Variants in MAGI1 observed in about 807,000 individuals in gnomAD.
MAGI1 encodes membrane associated guanylate kinase, WW and PDZ domain containing 1, also known as membrane-associated guanylate kinase, WW and PDZ domain-containing protein 1.
In MAGI1, 58 loss-of-function variants were observed where a neutral mutation model predicts 139.9. The ratio of observed to expected loss-of-function variants is 0.41; its 90% CI spans 0.34 to 0.52. The LOEUF is 0.52. MAGI1 is among the 20% of genes least tolerant of loss of function. The pLI is 0.12. For synonymous variants in MAGI1, 812 were observed against 737.9 expected (o/e 1.10, Z -1.63); for missense variants, 1,874 against 1,901.6 (o/e 0.99, Z 0.27).
At chr3:65,630,020 A>T (rs188655303) in intron 1 of MAGI1, among the ~76,000 whole-genome samples, 3 of 152,360 alleles carry the variant, frequency 2.0e-5, no homozygotes, top group Admixed American at 2.0e-4. Context: ...CAACAAACAA[A>T]GTTAAAATCA....
chr3:65,545,056 C>T (rs2079432326), intron 2 of MAGI1, among the ~76,000 whole-genome samples: 1 of 152,010 alleles, frequency 6.6e-6, no homozygotes, highest in African/African-American at 2.4e-5. Flanking sequence ...TTTCAGTTTA[C>T]CAAAATGGTT....
At chr3:65,909,664 C>A (rs980601533) in intron 1 of MAGI1, among the ~76,000 whole-genome samples, 13 of 152,064 alleles carry the variant, frequency 8.5e-5, no homozygotes, top group African/African-American at 2.9e-4. Flanking sequence ...CCACTGTACT[C>A]CAGACTGAGT....
At chr3:65,671,371 T>C (rs2086848105) in intron 1 of MAGI1, among the ~76,000 whole-genome samples, 1 of 152,144 alleles carries the variant, frequency 6.6e-6, no homozygotes, top group Non-Finnish European at 1.5e-5. Context: ...ACTGACTAGA[T>C]ACCAGGAGCA....
intron 1 of MAGI1, among the ~76,000 whole-genome samples, chr3:65,831,505 C>T (rs541636276): frequency 6.6e-6 from 1 of 152,298 alleles, no homozygotes; most frequent in African/African-American, 2.4e-5. Context: ...AACTTAACCA[C>T]TCTTCCAAAG....
At chr3:65,615,077 A>G (rs574986179) in intron 2 of MAGI1, among the ~76,000 whole-genome samples, 1 of 152,152 alleles carries the variant, frequency 6.6e-6, no homozygotes, top group South Asian at 2.1e-4. Context: ...AGCAAGAAAA[A>G]GGTAAGTAAG....
chr3:65,739,924 G>A (rs1286453678), intron 1 of MAGI1, among the ~76,000 whole-genome samples: 2 of 152,112 alleles, frequency 1.3e-5, no homozygotes, highest in African/African-American at 4.8e-5. Context: ...AAAGACACAA[G>A]GTGACCACAT....
At chr3:65,654,963 T>A (rs2085790968) in intron 1 of MAGI1, among the ~76,000 whole-genome samples, 1 of 152,238 alleles carries the variant, frequency 6.6e-6, no homozygotes, top group African/African-American at 2.4e-5. Flanking sequence ...TGTCAAATCA[T>A]TTAAGTTCAA....
chr3:65,696,610 G>A (rs1172397465), intron 1 of MAGI1, among the ~76,000 whole-genome samples: 4 of 151,980 alleles, frequency 2.6e-5, no homozygotes, highest in African/African-American at 9.7e-5. Context: ...ACATGTCCAT[G>A]AGCTTCATGT....
At chr3:65,533,460 T>C (rs759750681) in intron 2 of MAGI1, among the ~76,000 whole-genome samples, 2 of 152,246 alleles carry the variant, frequency 1.3e-5, no homozygotes, top group Non-Finnish European at 2.9e-5. Context: ...TTTGGATCCA[T>C]TTCTTAAACA....
At chr3:65,991,075 G>A (rs11131044) in intron 1 of MAGI1, among the ~76,000 whole-genome samples, 11 of 152,174 alleles carry the variant, frequency 7.2e-5, no homozygotes, top group East Asian at 1.9e-4. Context: ...GATCACTTGA[G>A]GTCAGGAGTT....
intron 1 of MAGI1, among the ~76,000 whole-genome samples, chr3:65,675,734 C>A (rs186850564): frequency 1.5e-3 from 222 of 152,264 alleles, no homozygotes; most frequent in African/African-American, 4.8e-3. Context: ...CAAAATCAAA[C>A]AACAACAATA....
intron 1 of MAGI1, among the ~76,000 whole-genome samples, chr3:65,847,098 T>A (rs983479989): frequency 6.6e-6 from 1 of 151,356 alleles, no homozygotes; most frequent in African/African-American, 2.4e-5. Context: ...GCCAACATAA[T>A]GAAATGACTG....
intron 18 of MAGI1, chr3:65,365,149 A>G (rs1413494034): frequency 8.1e-6 from 6 of 742,742 alleles, no homozygotes; most frequent in Non-Finnish European, 1.5e-5. Flanking sequence ...GTATGTCCCC[A>G]TGACCCTCCT....
At chr3:65,462,755 G>A (rs1050968192) in intron 5 of MAGI1, among the ~76,000 whole-genome samples, 6 of 152,160 alleles carry the variant, frequency 3.9e-5, no homozygotes, top group Admixed American at 3.9e-4. Flanking sequence ...CATGAGCATG[G>A]AATGTTTTTC....
rs1042469153 is a variant in MAGI1, at chr3:65,637,434, G to C, written c.314-15346C>G. On this transcript the variant is annotated intron_variant, in intron 1 of 22. Transcript: ENST00000402939. ...CCAGGTATGGTGGTGCATGCCTGTA[G>C]TCCCAGCTACTTGGGAGGCTGAGTT... 2.6e-4 allele frequency among the ~76,000 whole-genome samples: 40 copies of C among 151,852 alleles called. 1 individual carries two copies. Among genetic ancestry groups the C allele is most frequent in the Non-Finnish European group, 1.0e-4 (7 of 67,976 alleles).
intron 1 of MAGI1, among the ~76,000 whole-genome samples, chr3:65,764,071 CAAAAGAAA>C (rs2037268576): frequency 1.2e-5 from 1 of 81,394 alleles, no homozygotes; most frequent in African/African-American, 4.4e-5. Flanking sequence ...GACCCTGTCT[CAAAAGAAA>C]AAAAGAAAAA....
chr3:65,725,071 T>C (rs2107704491), intron 1 of MAGI1, among the ~76,000 whole-genome samples: 1 of 152,282 alleles, frequency 6.6e-6, no homozygotes, highest in East Asian at 1.9e-4. Context: ...ACACCCAGGA[T>C]TTGAGTCAAA....
chr3:65,443,364 C>T (rs1948473879), intron 7 of MAGI1, among the ~76,000 whole-genome samples: 2 of 152,198 alleles, frequency 1.3e-5, no homozygotes, highest in South Asian at 2.1e-4. Flanking sequence ...ACACAACTAT[C>T]ACTCAATTGC....
At position 65,356,709 on chromosome 3, in the gene MAGI1, C is replaced by G. The variant is rs1575588014; in HGVS notation, c.4058G>C (p.Arg1353Pro). The G allele has an allele frequency of 6.3e-7, 1 of 1,591,488 alleles. No homozygotes were observed. The highest frequency in any genetic ancestry group is 1.1e-5 in the South Asian group (1 of 87,024). The change falls in exon 23 of 23, where the codon CGG becomes CCG. Residue 1353 changes from arginine to proline, a missense_variant. Coordinates refer to ENST00000402939, the MANE Select transcript of MAGI1 (RefSeq NM_001033057.2). ...HEKRRDVSPE[R>P]RRERSPTRRR... Reference sequence around the variant, plus strand: ...GCGGGTGGGTGACCGCTCTCGCCTCCGCTCCGGAGAGACGTCTCGTCTCTT... The same window carrying G: ...GCGGGTGGGTGACCGCTCTCGCCTCGGCTCCGGAGAGACGTCTCGTCTCTT...
Sources: allele counts gnomAD v4.1 joint callset (sites outside exome capture counted in the v4.1 genomes callset), GRCh38; gene constraint gnomAD v4.1.1; transcripts MANE v1.5; gene names NCBI Gene and HGNC (gene_info 2026-07-23, HGNC 2026-07-21).